Variants in PALLD observed in about 807,000 individuals in gnomAD.
PALLD encodes palladin.
PALLD carries 61 observed loss-of-function variants against 123.5 expected under a neutral mutation model. The ratio of observed to expected loss-of-function variants is 0.49; its 90% CI spans 0.40 to 0.61. PALLD has a LOEUF of 0.61. Among genes scored for constraint, PALLD ranks in the 20% least tolerant of loss-of-function variants. PALLD has a pLI of 0.00. For synonymous variants in PALLD, 465 were observed against 496.4 expected (o/e 0.94, Z 0.84); for missense variants, 1,273 against 1,377.0 (o/e 0.92, Z 1.20).
At chr4:168,893,293 A>C (rs1249024544) in intron 11 of PALLD, among the ~76,000 whole-genome samples, 1 of 152,228 alleles carries the variant, frequency 6.6e-6, no homozygotes, top group Non-Finnish European at 1.5e-5. Context: ...AAATTAATTT[A>C]ATAACATAGT....
intron 11 of PALLD, 127 bp downstream of exon 11, chr4:168,891,184 A>G: frequency 1.0e-6 from 1 of 1,004,736 alleles, no homozygotes; most frequent in South Asian, 1.4e-5. Context: ...TATTTTTGAG[A>G]CAGGGTCACA....
chr4:168,882,472 G>A (rs762386919), intron 10 of PALLD, among the ~76,000 whole-genome samples: 1 of 152,088 alleles, frequency 6.6e-6, no homozygotes, highest in Non-Finnish European at 1.5e-5. Flanking sequence ...CATGACACAG[G>A]GCATTTTCAC....
At chr4:168,857,813 A>G (rs887226804) in intron 10 of PALLD, among the ~76,000 whole-genome samples, 2 of 152,240 alleles carry the variant, frequency 1.3e-5, no homozygotes, top group African/African-American at 4.8e-5. Flanking sequence ...TTACAAAAGA[A>G]CCTAAGAATT....
rs1158503163 is a variant in PALLD, at chr4:168,564,416, A to C, written c.908+52004A>C. On this transcript the variant is annotated intron_variant, in intron 2 of 21. Transcript: ENST00000505667. The stretch of plus-strand genomic sequence containing the variant: ...ATTACATTTATTTCTTTGTCTACTT[A>C]GCAAGGATCTGTTCAGTGTCTATGA... Among the ~76,000 whole-genome samples the C allele has an allele frequency of 2.0e-5, 3 of 152,354 alleles. No homozygotes were observed. The East Asian group carries it at 5.8e-4, about 29-fold the overall frequency.
At chr4:168,568,992 AAAAG>A (rs1373897805) in intron 2 of PALLD, among the ~76,000 whole-genome samples, 1 of 152,266 alleles carries the variant, frequency 6.6e-6, no homozygotes, top group African/African-American at 2.4e-5. Context: ...TAATTTAAAA[AAAAG>A]AAAGAAAGGA....
intron 2 of PALLD, among the ~76,000 whole-genome samples, chr4:168,661,272 C>T (rs569652199): frequency 4.6e-5 from 7 of 152,266 alleles, no homozygotes; most frequent in African/African-American, 1.7e-4. Flanking sequence ...ATTGTATTTC[C>T]TTATGTCTAC....
At chr4:168,640,272 C>T (rs891530349) in intron 2 of PALLD, among the ~76,000 whole-genome samples, 8 of 152,148 alleles carry the variant, frequency 5.3e-5, no homozygotes, top group Non-Finnish European at 1.0e-4. Flanking sequence ...GAGCTTTTTT[C>T]CCTTTGTTCC....
intron 10 of PALLD, among the ~76,000 whole-genome samples, chr4:168,718,082 G>T (rs1275117157): frequency 6.6e-6 from 1 of 152,144 alleles, no homozygotes; most frequent in Non-Finnish European, 1.5e-5. Context: ...GAGCTTCTGT[G>T]CTACTCCCTT....
chr4:168,674,415 C>T (rs977988925), intron 3 of PALLD, among the ~76,000 whole-genome samples: 6 of 152,070 alleles, frequency 3.9e-5, no homozygotes, highest in South Asian at 2.1e-4. Context: ...GGAATGGGGA[C>T]GAGGAAGGGA....
intron 3 of PALLD, 79 bp downstream of exon 3, chr4:168,668,447 T>G: frequency 8.2e-7 from 1 of 1,214,134 alleles, no homozygotes; most frequent in Non-Finnish European, 1.1e-6. Context: ...CATGCAAATG[T>G]GCCTTTCCAA....
At chr4:168,842,880 A>G (rs1480536830) in intron 10 of PALLD, among the ~76,000 whole-genome samples, 1 of 152,226 alleles carries the variant, frequency 6.6e-6, no homozygotes, top group African/African-American at 2.4e-5. Flanking sequence ...TAAGGGCCAC[A>G]TTCTAGTTCA....
At chr4:168,787,980 C>A (rs535247517) in intron 10 of PALLD, among the ~76,000 whole-genome samples, 1 of 152,316 alleles carries the variant, frequency 6.6e-6, no homozygotes, top group South Asian at 2.1e-4. Context: ...TGTATAACTT[C>A]GCTGTAAACA....
At chr4:168,874,706 A>AGT (rs1207832177) in intron 10 of PALLD, among the ~76,000 whole-genome samples, 1 of 151,950 alleles carries the variant, frequency 6.6e-6, no homozygotes, top group Non-Finnish European at 1.5e-5. Context: ...ACATGCCTGA[A>AGT]GTAGTGTAAA....
chr4:168,764,323 A>G (rs565867295), intron 10 of PALLD, among the ~76,000 whole-genome samples: 50 of 152,334 alleles, frequency 3.3e-4, no homozygotes, highest in Non-Finnish European at 5.6e-4. Flanking sequence ...TCTATATTAC[A>G]TATGATATTT....
intron 17 of PALLD, among the ~76,000 whole-genome samples, chr4:168,917,480 T>C (rs886547903): frequency 6.6e-6 from 1 of 152,160 alleles, no homozygotes; most frequent in Non-Finnish European, 1.5e-5. Flanking sequence ...AGGGAAAAAA[T>C]ATTTAAGAAA....
chr4:168,553,436 G>A (rs1258792246), intron 2 of PALLD, among the ~76,000 whole-genome samples: 2 of 152,110 alleles, frequency 1.3e-5, no homozygotes, highest in Non-Finnish European at 2.9e-5. Context: ...ATTTTTTAAC[G>A]TAAAATGTTT....
chr4:168,697,198 G>T (rs1783212815), intron 8 of PALLD, among the ~76,000 whole-genome samples: 1 of 152,182 alleles, frequency 6.6e-6, no homozygotes, highest in African/African-American at 2.4e-5. Context: ...TTGGAATTCT[G>T]CCCCTAGGCA....
intron 1 of PALLD, among the ~76,000 whole-genome samples, chr4:168,504,572 C>T (rs896498770): frequency 1.0e-4 from 14 of 137,050 alleles, no homozygotes; most frequent in South Asian, 7.0e-4. Flanking sequence ...CCAGCCTGGG[C>T]GACAAAGCAA....
intron 15 of PALLD, among the ~76,000 whole-genome samples, chr4:168,912,334 T>G (rs180794991): frequency 1.3e-4 from 20 of 152,344 alleles, no homozygotes; most frequent in African/African-American, 4.8e-4. Context: ...TACATCTGCT[T>G]CTTGTTTTTC....
Sources: allele counts gnomAD v4.1 joint callset (sites outside exome capture counted in the v4.1 genomes callset), GRCh38; gene constraint gnomAD v4.1.1; transcripts MANE v1.5; gene names NCBI Gene and HGNC (gene_info 2026-07-23, HGNC 2026-07-21).